GLT8D1: variants seen among roughly 807,000 people sequenced by gnomAD.
GLT8D1 encodes the protein glycosyltransferase 8 domain containing 1.
A neutral mutation model predicts 46.2 loss-of-function variants in GLT8D1; 41 were observed. The observed-to-expected ratio is 0.89, with a 90% CI of 0.69 to 1.15. The LOEUF is 1.15. Among genes scored for constraint, GLT8D1 ranks in the 50% most tolerant of loss-of-function variants. The probability of loss-of-function intolerance (pLI) is 0.00; values close to 1 mark genes in which losing one functional copy is unlikely to be tolerated. For synonymous variants in GLT8D1, 150 were observed against 154.2 expected (o/e 0.97, Z 0.20); for missense variants, 408 against 449.3 (o/e 0.91, Z 0.83).
At chr3:52,703,420 T>A (rs2097341069) in intron 1 of GLT8D1, 1 of 127,322 alleles carries the variant, frequency 7.9e-6, no homozygotes, top group African/African-American at 3.4e-5. Flanking sequence ...TAAGACTCTG[T>A]CTCAAAAAAA....
At position 52,697,931 on chromosome 3, in the gene GLT8D1, G is replaced by C; in HGVS notation, c.119C>G (p.Ser40Ter). ...TATAGGTTGAGGCCCTACAATTCCTGAATCTGAAAACACAAGGAAGGCACT... is the reference window on the plus strand; with the variant it reads ...TATAGGTTGAGGCCCTACAATTCCTCAATCTGAAAACACAAGGAAGGCACT... ...SSLLRNEVTD[S>*]GIVGPQPIDF... The change falls in exon 4 of 10, where the codon TCA becomes TGA. Residue 40 changes from serine (S) to a stop codon, truncating the protein, a stop_gained. Transcript: ENST00000266014. LOFTEE classifies it high-confidence loss of function. The C allele has an allele frequency of 3.1e-6, 5 of 1,600,618 alleles. No individual in the cohort carries two copies. Among genetic ancestry groups the C allele is most frequent in the Non-Finnish European group, 4.3e-6 (5 of 1,167,686 alleles).
Position 52,694,936 on chromosome 3 carries a change from T to C in GLT8D1, c.1025A>G (p.Tyr342Cys). The C allele has an allele frequency of 6.2e-7, 1 of 1,610,056 alleles. No individual in the cohort carries two copies. Among genetic ancestry groups the C allele is most frequent in the Non-Finnish European group, 8.5e-7 (1 of 1,176,256 alleles). Residue 342 changes from tyrosine (Y) to cysteine (C), a missense_variant, in exon 10 of 10, where the codon TAT (tyrosine) becomes TGT (cysteine). Physicochemically the swap from Tyr to Cys is radical, Grantham distance 194. Transcript: ENST00000266014. ...HLKPWGRTAS[Y>C]TDVWEKWYIP... The stretch of plus-strand genomic sequence containing the variant: ...ATACCATTTTTCCCAAACATCAGTA[T>C]ATGAAGCAGTCCTTCCCCATGGCTT...
chr3:52,695,622 T>C, intron 7 of GLT8D1, 35 bp from the exon 8 acceptor site: 2 of 1,265,244 alleles, frequency 1.6e-6, no homozygotes, highest in Non-Finnish European at 2.3e-6. Context: ...TACTTACTGC[T>C]TCAAACAAAA....
chr3:52,696,516 T>C, intron 5 of GLT8D1, 26 bp downstream of exon 5: 1 of 1,218,964 alleles, frequency 8.2e-7, no homozygotes. Context: ...TACTGCCAAG[T>C]GCAAAGAAGG....
In GLT8D1 at chr3:52,695,536, A is replaced by C; in HGVS notation, c.697T>G (p.Ser233Ala). The C allele has an allele frequency of 2.9e-5, 47 of 1,611,462 alleles. No individual in the cohort carries two copies. Among genetic ancestry groups the C allele is most frequent in the Non-Finnish European group, 4.0e-5 (47 of 1,177,574 alleles). ...DYKKERIRKLSMKASTCSFNP... is the reference protein window; with the variant it reads ...DYKKERIRKLAMKASTCSFNP... Reference sequence around the variant, plus strand: ...AATGAGCAAGTGCTGGCTTTCATGGAAAGCTTACGAATTCTTTCCTTTTTA... The same window carrying C: ...AATGAGCAAGTGCTGGCTTTCATGGCAAGCTTACGAATTCTTTCCTTTTTA... Residue 233 changes from serine (S) to alanine (A), a missense_variant, in exon 8 of 10, where the codon TCC becomes GCC. Physicochemically the swap from Ser to Ala is moderately conservative, Grantham distance 99. Transcript: ENST00000266014.
chr3:52,695,874 C>A, intron 7 of GLT8D1, 54 bp downstream of exon 7: 1 of 1,064,832 alleles, frequency 9.4e-7, no homozygotes. Context: ...GAATTTGCAA[C>A]CTCTTCCCAT....
chr3:52,694,858 G>C lies in GLT8D1; in HGVS notation c.1103C>G (p.Ser368Ter). 1 of 1,608,888 alleles carries C rather than the reference G, an allele frequency of 6.2e-7. No homozygotes were observed. The highest frequency in any genetic ancestry group is 1.1e-5 in the South Asian group (1 of 90,976). Residue 368 changes from serine (S) to a stop codon, truncating the protein, a stop_gained, in exon 10 of 10, where the codon TCA becomes TGA. Transcript: ENST00000266014. LOFTEE classifies it high-confidence loss of function. The stretch of plus-strand genomic sequence containing the variant: ...TCAAATTCTGTTTCACTTTATGTTT[G>C]AGATCTCGGTATATCTTCGGATTAG... Reference protein sequence around the residue: ...FNLIRRYTEISNIK With the variant: ...FNLIRRYTEI
At chr3:52,696,074 C>G (rs753431211) in intron 6 of GLT8D1, 34 bp from the exon 7 acceptor site, 1 of 1,431,184 alleles carries the variant, frequency 7.0e-7, no homozygotes, top group Admixed American at 1.7e-5. Flanking sequence ...TTTACATTTC[C>G]GTTGCCTTGA....
chr3:52,695,273 C>T lies in GLT8D1; in HGVS notation c.842G>A (p.Gly281Asp), dbSNP rs764306960. 3.1e-6 allele frequency: 5 copies of T among 1,613,552 alleles called. No individual in the cohort carries two copies. Among genetic ancestry groups the T allele is most frequent in the South Asian group, 1.1e-5 (1 of 91,042 alleles). The change falls in exon 9 of 10, where the codon GGT becomes GAT. Residue 281 changes from glycine to aspartate, a missense_variant. By Grantham distance (94) the Gly-to-Asp change is moderately conservative. Coordinates refer to ENST00000266014, the MANE Select transcript of GLT8D1 (RefSeq NM_018446.4). Reference protein sequence around the residue: ...EEGLYSRTLAGSITTPPLLIV... With the variant: ...EEGLYSRTLADSITTPPLLIV... ...AAGCAGAGGAGGTGTTGTGATGCTACCAGCCAGGGTTCTGCTATACAGTCC... is the reference window on the plus strand; with the variant it reads ...AAGCAGAGGAGGTGTTGTGATGCTATCAGCCAGGGTTCTGCTATACAGTCC...
At position 52,697,851 on chromosome 3, in the gene GLT8D1, G is replaced by A. The variant is rs1359766753; in HGVS notation, c.199C>T (p.Pro67Ser). Reference sequence around the variant, plus strand: ...TCTTCAGATGCAGCGATGACCACAGGAATCTCCTCTTGTCTCCCATCTACT... The same window carrying A: ...TCTTCAGATGCAGCGATGACCACAGAAATCTCCTCTTGTCTCCCATCTACT... ...HAVDGRQEEI[P>S]VVIAASEDRL... The change falls in exon 4 of 10, where the codon CCT (proline) becomes TCT (serine). Residue 67 changes from proline (P) to serine (S), a missense_variant. Physicochemically the swap from Pro to Ser is moderately conservative, Grantham distance 74. Coordinates refer to ENST00000266014, the MANE Select transcript of GLT8D1 (RefSeq NM_018446.4). The A allele has an allele frequency of 4.3e-6, 7 of 1,613,676 alleles. No individual in the cohort carries two copies. The highest frequency in any genetic ancestry group is 5.1e-6 in the Non-Finnish European group (6 of 1,179,546).
intron 1 of GLT8D1, 197 bp from the exon 2 acceptor site, chr3:52,700,693 A>C: frequency 2.2e-6 from 1 of 444,514 alleles, no homozygotes; most frequent in Non-Finnish European, 4.0e-6. Context: ...TCATTAATAA[A>C]AAACTTAAAA....
chr3:52,700,549 C>CA, intron 1 of GLT8D1, 53 bp from the exon 2 acceptor site: 1 of 743,880 alleles, frequency 1.3e-6, no homozygotes, highest in Admixed American at 2.3e-5. Flanking sequence ...GAAGGGACAT[C>CA]AAAATGCCCT....
In GLT8D1 at chr3:52,694,544, C is replaced by CAACA. The variant is rs549900704; in HGVS notation, c.*297_*300dup. On this transcript the variant is annotated 3_prime_UTR_variant, in exon 10 of 10. Coordinates refer to ENST00000266014, the MANE Select transcript of GLT8D1 (RefSeq NM_018446.4). ...AGGCCACAGGTTACAAAATTAAAAC[C>CAACA]AACAGCAGTTTTGAATTATCTGTAC... 1.3e-4 allele frequency: 76 copies of CAACA among 579,664 alleles called. No homozygotes were observed. Among genetic ancestry groups the CAACA allele is most frequent in the Non-Finnish European group, 2.1e-4 (69 of 327,548 alleles). The allele number at this position is 579,664 out of a possible 1,614,324, so 35.9% of individuals were successfully genotyped here.
At chr3:52,695,889 CAA>C in intron 7 of GLT8D1, 37 bp downstream of exon 7, 1 of 1,177,916 alleles carries the variant, frequency 8.5e-7, no homozygotes, top group Non-Finnish European at 1.3e-6. Context: ...TCCCATTAAA[CAA>C]TATTGTAGGA....
intron 1 of GLT8D1, among the ~76,000 whole-genome samples, chr3:52,701,764 G>T (rs1437227616): frequency 6.6e-6 from 1 of 152,182 alleles, no homozygotes. Flanking sequence ...TGTCCTGGTT[G>T]GTCCTCCTCA....
In GLT8D1 at chr3:52,695,299, C is replaced by T. The variant is rs778344421; in HGVS notation, c.816G>A (p.Glu272=). The T allele has an allele frequency of 6.2e-7, 1 of 1,609,528 alleles. No individual in the cohort carries two copies. The highest frequency in any genetic ancestry group is 8.5e-7 in the Non-Finnish European group (1 of 1,176,678). ...CAGCCAGGGTTCTGCTATACAGTCCCTCTCTTGGTGGGACAGAAAACAAAT... is the reference window on the plus strand; with the variant it reads ...CAGCCAGGGTTCTGCTATACAGTCCTTCTCTTGGTGGGACAGAAAACAAAT... ...LEKWMKLNVE[E]GLYSRTLAGS... The change falls in exon 9 of 10, where the codon GAG becomes GAA. Residue 272 remains glutamate (E), a synonymous_variant. Transcript: ENST00000266014.
intron 6 of GLT8D1, 94 bp downstream of exon 6, chr3:52,696,140 A>G (rs2097333216): frequency 3.4e-6 from 4 of 1,170,754 alleles, no homozygotes; most frequent in South Asian, 2.5e-5. Flanking sequence ...AAGACCATAA[A>G]TAAACCACTA....
intron 1 of GLT8D1, chr3:52,703,124 T>C (rs954674764): frequency 7.3e-5 from 11 of 151,092 alleles, no homozygotes; most frequent in African/African-American, 2.7e-4. Flanking sequence ...AACGTGTCAG[T>C]GAACTTCTTC....
At chr3:52,696,204 G>T (rs763569723) in intron 6 of GLT8D1, 30 bp downstream of exon 6, 2 of 1,428,704 alleles carry the variant, frequency 1.4e-6, no homozygotes, top group Admixed American at 3.3e-5. Flanking sequence ...TCTGGGTGGA[G>T]AACAGCACTC....
Sources: gnomAD v4.1 joint callset for allele counts (sites outside exome capture counted in the v4.1 genomes callset) on GRCh38, gnomAD v4.1.1 for gene constraint, MANE v1.5 for transcripts, NCBI Gene and HGNC (gene_info 2026-07-23, HGNC 2026-07-21) for gene names.